SIGLEC6: variants seen among roughly 807,000 people sequenced by gnomAD.
The protein encoded by SIGLEC6 is sialic acid binding Ig like lectin 6.
A neutral mutation model predicts 41.4 loss-of-function variants in SIGLEC6; 31 were observed. The observed-to-expected ratio is 0.75, with a 90% CI of 0.56 to 1.01. The LOEUF is 1.01. SIGLEC6 is among the 50% of genes least tolerant of loss of function. SIGLEC6 has a pLI of 0.00. For synonymous variants in SIGLEC6, 217 were observed against 231.0 expected (o/e 0.94, Z 0.55); for missense variants, 555 against 558.6 (o/e 0.99, Z 0.06).
At chr19:51,528,429 C>G in intron 5 of SIGLEC6, 176 bp from the exon 6 acceptor site, 1 of 622,336 alleles carries the variant, frequency 1.6e-6, no homozygotes, top group Non-Finnish European at 2.9e-6. Context: ...CCCCCTTCCC[C>G]CAACTGCAAG....
chr19:51,521,142 C>T (rs1200775945), intron 7 of SIGLEC6, among the ~76,000 whole-genome samples: 7 of 152,128 alleles, frequency 4.6e-5, no homozygotes, highest in Non-Finnish European at 7.3e-5. Context: ...TACAGGCCAC[C>T]GGACGCCCTC....
intron 7 of SIGLEC6, among the ~76,000 whole-genome samples, chr19:51,521,789 C>A (rs939811788): frequency 7.2e-5 from 11 of 152,088 alleles, no homozygotes; most frequent in Admixed American, 5.9e-4. Context: ...GTAACTGGCA[C>A]CCTCCCAGCA....
In SIGLEC6 at chr19:51,531,151, G is replaced by A. The variant is rs569779826; in HGVS notation, c.427+9C>T. The A allele has an allele frequency of 1.1e-5, 17 of 1,575,458 alleles. No individual in the cohort carries two copies. The highest frequency in any genetic ancestry group is 2.2e-5 in the East Asian group (1 of 44,618). On this transcript the variant is annotated intron_variant, in intron 2 of 7. Coordinates refer to ENST00000425629, the MANE Select transcript of SIGLEC6 (RefSeq NM_001245.7). ...TCCCCTGTGGCTAGTCCTGGAGCTG[G>A]TTCCTTACCCATCACACGCACAGAG...
Position 51,529,711 on chromosome 19 carries a change from C to T in SIGLEC6, c.1012+13G>A. The T allele has an allele frequency of 1.2e-6, 2 of 1,613,786 alleles. No homozygotes were observed. Among genetic ancestry groups the T allele is most frequent in the East Asian group, 4.5e-5 (2 of 44,864 alleles). On this transcript the variant is annotated intron_variant, in intron 5 of 7. Transcript: ENST00000425629. The stretch of plus-strand genomic sequence containing the variant: ...AGCTGCCCACACTCTCGCGCACCTC[C>T]CCCCACACTCACAATGCACAAAGAG...
Position 51,531,409 on chromosome 19 carries a change from A to G in SIGLEC6, c.178T>C (p.Ser60Pro). Residue 60 changes from serine (S) to proline (P), a missense_variant, in exon 2 of 8, where the codon TCG becomes CCG. Physicochemically the swap from Ser to Pro is moderately conservative, Grantham distance 74 (BLOSUM62 -1). Transcript: ENST00000425629. ...PCRLPTTLPA[S>P]YYGYGYWFLE... ...AACCAGTAGCCATAACCATAGTACG[A>G]GGCTGGAAGGGTAGTGGGCAATCTG... 6.2e-7 allele frequency: 1 copy of G among 1,614,114 alleles called. No individual in the cohort carries two copies. Among genetic ancestry groups the G allele is most frequent in the African/African-American group, 1.3e-5 (1 of 75,020 alleles).
In SIGLEC6 at chr19:51,531,458, C is replaced by T; in HGVS notation, c.129G>A (p.Glu43=). The part of the protein sequence containing the change: ...LEGPESLTVQ[E]GLCVLVPCRL... ...TGCAGGGTACGAGGACGCACAGACC[C>T]TCCTGCACCGTCAGTGACTCTGGCC... Residue 43 remains glutamate (E), a synonymous_variant, in exon 2 of 8, where the codon GAG becomes GAA. Coordinates refer to ENST00000425629, the MANE Select transcript of SIGLEC6 (RefSeq NM_001245.7). 1 of 1,614,080 alleles carries T rather than the reference C, an allele frequency of 6.2e-7. No homozygotes were observed. Among genetic ancestry groups the T allele is most frequent in the Non-Finnish European group, 8.5e-7 (1 of 1,179,976 alleles).
chr19:51,525,756 G>A (rs920044128), intron 7 of SIGLEC6, among the ~76,000 whole-genome samples: 3 of 149,138 alleles, frequency 2.0e-5, no homozygotes, highest in South Asian at 4.3e-4. Context: ...CACCAGGCAG[G>A]GCCCCTGGCT....
rs187687135 is a variant in SIGLEC6, at chr19:51,529,095, C to T, written c.1012+629G>A. 2.0e-3 allele frequency among the ~76,000 whole-genome samples: 301 copies of T among 151,230 alleles called. 1 individual carries two copies. The highest frequency in any genetic ancestry group is 6.9e-3 in the African/African-American group (284 of 41,194). ...GATTAAGTCAGAGGTCGAGGCAATG[C>T]TTCTTTAAGCCTAGGAACGCCAAAG... On this transcript the variant is annotated intron_variant, in intron 5 of 7. Transcript: ENST00000425629.
In SIGLEC6 at chr19:51,530,967, G is replaced by C. The variant is rs376048185; in HGVS notation, c.428-8C>G. ...TGGGCCTGTGGGTCAGGGCTGGTGA[G>C]GAGATGGGGACGCAGGATCAGGATG... On this transcript the variant is annotated splice_region_variant and splice_polypyrimidine_tract_variant and intron_variant, in intron 2 of 7. Coordinates refer to ENST00000425629, the MANE Select transcript of SIGLEC6 (RefSeq NM_001245.7). 3 of 1,608,752 alleles carry C rather than the reference G, an allele frequency of 1.9e-6. No homozygotes were observed. Among genetic ancestry groups the C allele is most frequent in the Non-Finnish European group, 2.5e-6 (3 of 1,179,396 alleles).
rs758451830 is a variant in SIGLEC6 at position 51,530,293 on chromosome 19, G to A, written c.754+144C>T. On this transcript the variant is annotated intron_variant, in intron 4 of 7. Transcript: ENST00000425629. ...GTGTGGCAGCTCCTGCCGAAGAGGCGACAAAGGCTGGGGGTGAGCAAAGAT... is the reference window on the plus strand; with the variant it reads ...GTGTGGCAGCTCCTGCCGAAGAGGCAACAAAGGCTGGGGGTGAGCAAAGAT... 47 of 787,982 alleles carry A rather than the reference G, an allele frequency of 6.0e-5. 1 individual carries two copies. The highest frequency in any genetic ancestry group is 2.7e-4 in the East Asian group (10 of 36,980). 48.8% of individuals were successfully genotyped at this position (787,982 alleles called of 1,614,324 possible). A position where few individuals can be genotyped will look rare whatever the true frequency, so the allele number is the denominator to read the frequency against.
At chr19:51,522,025 T>C (rs1245641627) in intron 7 of SIGLEC6, among the ~76,000 whole-genome samples, 1 of 152,174 alleles carries the variant, frequency 6.6e-6, no homozygotes, top group African/African-American at 2.4e-5. Flanking sequence ...TGGGTGGAAT[T>C]TGTAGAGCAG....
rs748993718 is a variant in SIGLEC6 at position 51,531,408 on chromosome 19, G to C, written c.179C>G (p.Ser60Trp). The C allele has an allele frequency of 2.5e-6, 4 of 1,613,992 alleles. No individual in the cohort carries two copies. The highest frequency in any genetic ancestry group is 2.2e-5 in the South Asian group (2 of 91,084). The change falls in exon 2 of 8, where the codon TCG (serine) becomes TGG (tryptophan). Residue 60 changes from serine to tryptophan, a missense_variant. By Grantham distance (177) the Ser-to-Trp change is radical (BLOSUM62 -3). Transcript: ENST00000425629. ...GAACCAGTAGCCATAACCATAGTAC[G>C]AGGCTGGAAGGGTAGTGGGCAATCT... The part of the protein sequence containing the change: ...PCRLPTTLPA[S>W]YYGYGYWFLE...
chr19:51,529,862 C>A lies in SIGLEC6; in HGVS notation c.874G>T (p.Ala292Ser), dbSNP rs1420960508. The change falls in exon 5 of 8, where the codon GCC becomes TCC. Residue 292 changes from alanine (A) to serine (S), a missense_variant. Physicochemically the swap from Ala to Ser is moderately conservative, Grantham distance 99. Transcript: ENST00000425629. ...TTGGAGATGGGGGTGGCGTTCAGGGCGGGGAAGCCCTGGAACCAGCTCAGG... is the reference window on the plus strand; with the variant it reads ...TTGGAGATGGGGGTGGCGTTCAGGGAGGGGAAGCCCTGGAACCAGCTCAGG... ...AHLSWFQGFPALNATPISNTG... is the reference protein window; with the variant it reads ...AHLSWFQGFPSLNATPISNTG... 6.2e-7 allele frequency: 1 copy of A among 1,613,978 alleles called. No individual in the cohort carries two copies. The highest frequency in any genetic ancestry group is 1.3e-5 in the African/African-American group (1 of 74,896).
chr19:51,529,971 G>A lies in SIGLEC6; in HGVS notation c.765C>T (p.Ile255=). The change falls in exon 5 of 8, where the codon ATC becomes ATT. Residue 255 remains isoleucine (I), a synonymous_variant. Coordinates refer to ENST00000425629, the MANE Select transcript of SIGLEC6 (RefSeq NM_001245.7). The part of the protein sequence containing the change: ...IFQGNSAAFK[I]LQNTSSLPVL... ...CAGGGAGGGACGAGGTGTTTTGCAG[G>A]ATTTTGAAGGCTTTGGGGAGAGAGG... The A allele has an allele frequency of 6.3e-7, 1 of 1,592,742 alleles. No individual in the cohort carries two copies. Among genetic ancestry groups the A allele is most frequent in the Non-Finnish European group, 8.6e-7 (1 of 1,168,504 alleles).
Position 51,531,322 on chromosome 19 carries a change from T to A in SIGLEC6, c.265A>T (p.Thr89Ser). Residue 89 changes from threonine to serine, a missense_variant, in exon 2 of 8, where the codon ACC (threonine) becomes TCC (serine). Transcript: ENST00000425629. Reference protein sequence around the residue: ...NDPDEEVQEETRGRFHLLWDP... With the variant: ...NDPDEEVQEESRGRFHLLWDP... Reference sequence around the variant, plus strand: ...CAGAGGAGGTGGAATCGGCCCCGGGTCTCCTCCTGCACTTCTTCGTCTGGG... The same window carrying A: ...CAGAGGAGGTGGAATCGGCCCCGGGACTCCTCCTGCACTTCTTCGTCTGGG... 1 of 1,614,156 alleles carries A rather than the reference T, an allele frequency of 6.2e-7. No homozygotes were observed. Among genetic ancestry groups the A allele is most frequent in the South Asian group, 1.1e-5 (1 of 91,088 alleles).
chr19:51,520,948 C>A (rs1241026307), intron 7 of SIGLEC6, among the ~76,000 whole-genome samples: 2 of 152,114 alleles, frequency 1.3e-5, no homozygotes, highest in Non-Finnish European at 2.9e-5. Context: ...ATGAAGAAAG[C>A]AGACACAGTC....
At position 51,530,440 on chromosome 19, in the gene SIGLEC6, C is replaced by A. The variant is rs201148057; in HGVS notation, c.751G>T (p.Ala251Ser). ...VAISIFQGNS[A>S]AFKILQNTSS... ...AACAGGACTGGCTGGTTCCTACCTG[C>A]GCTGTTTCCTTGGAAGATGCTGATG... The change falls in exon 4 of 8, where the codon GCA (alanine) becomes TCA (serine). Residue 251 changes from alanine to serine, a missense_variant. Physicochemically the swap from Ala to Ser is moderately conservative, Grantham distance 99 (BLOSUM62 1). Transcript: ENST00000425629. The A allele has an allele frequency of 5.6e-6, 9 of 1,613,888 alleles. No homozygotes were observed. Among genetic ancestry groups the A allele is most frequent in the Admixed American group, 1.7e-5 (1 of 59,992 alleles).
In SIGLEC6 at chr19:51,518,405, T is replaced by A. The variant is rs988396642; in HGVS notation, c.*1677A>T. Among the ~76,000 whole-genome samples the A allele has an allele frequency of 4.6e-5, 7 of 152,192 alleles. No individual in the cohort carries two copies. The highest frequency in any genetic ancestry group is 7.3e-5 in the Non-Finnish European group (5 of 68,038). ...CCCAGGCTGGAGTGCAGTGATGCAA[T>A]CTCAGCTCACTTCAACCTCCACCTC... On this transcript the variant is annotated 3_prime_UTR_variant, in exon 8 of 8. Transcript: ENST00000425629.
intron 6 of SIGLEC6, 85 bp from the exon 7 acceptor site, chr19:51,527,913 G>T: frequency 7.7e-7 from 1 of 1,295,202 alleles, no homozygotes; most frequent in Non-Finnish European, 1.1e-6. Flanking sequence ...TCCCTATGGA[G>T]AGTACAGAAG....
Sources: gnomAD v4.1 joint callset for allele counts (sites outside exome capture counted in the v4.1 genomes callset) on GRCh38, gnomAD v4.1.1 for gene constraint, MANE v1.5 for transcripts, NCBI Gene and HGNC (gene_info 2026-07-23, HGNC 2026-07-21) for gene names.